KAZN: variants seen among roughly 807,000 people sequenced by gnomAD.
KAZN encodes kazrin, periplakin interacting protein, also known as kazrin.
Under a neutral mutation model 87.4 loss-of-function variants are expected in KAZN, and 40 were observed. The ratio of observed to expected loss-of-function variants is 0.46; its 90% confidence interval spans 0.36 to 0.60. The LOEUF is 0.60. Among genes scored for constraint, KAZN ranks in the 20% least tolerant of loss-of-function variants. The probability of loss-of-function intolerance (pLI) is 0.00; values close to 1 mark genes in which losing one functional copy is unlikely to be tolerated. For missense variants in KAZN, 898 were observed against 1,073.9 expected, an observed-to-expected ratio of 0.84 and a Z score of 2.29; for synonymous variants, 466 against 458.3, an observed-to-expected ratio of 1.02 and a Z score of -0.22.
At chr1:15,033,853 C>T (rs1043404082) in intron 2 of KAZN, among the ~76,000 whole-genome samples, 1 of 152,202 alleles carries the variant, frequency 6.6e-6, no homozygotes, top group African/African-American at 2.4e-5. Flanking sequence ...GTTCTCCTGC[C>T]TCAGCCTCCC....
At chr1:13,929,097 C>G (rs72871379) in intron 1 of KAZN, among the ~76,000 whole-genome samples, 4,296 of 136,380 alleles carry the variant, frequency 0.032, 204 homozygotes, top group African/African-American at 0.11. Context: ...CTCTGTCACC[C>G]AAGCTGGATT....
At chr1:14,958,993 TC>T (rs1382301116) in intron 1 of KAZN, among the ~76,000 whole-genome samples, 2 of 152,202 alleles carry the variant, frequency 1.3e-5, no homozygotes, top group Non-Finnish European at 2.9e-5. Flanking sequence ...CAAAACAGAC[TC>T]AAGTTCCCGC....
intron 1 of KAZN, among the ~76,000 whole-genome samples, chr1:14,853,207 A>T (rs1380497228): frequency 6.6e-6 from 1 of 152,056 alleles, no homozygotes; most frequent in Non-Finnish European, 1.5e-5. Context: ...GGTTGCAGGG[A>T]TGGTTAGAGG....
At chr1:14,650,763 C>CTA (rs1408529629) in intron 1 of KAZN, among the ~76,000 whole-genome samples, 1 of 152,172 alleles carries the variant, frequency 6.6e-6, no homozygotes, top group Non-Finnish European at 1.5e-5. Flanking sequence ...GCACATGTTT[C>CTA]TATTGCATTT....
intron 1 of KAZN, among the ~76,000 whole-genome samples, chr1:14,883,684 A>G (rs970459614): frequency 6.6e-6 from 1 of 152,126 alleles, no homozygotes; most frequent in African/African-American, 2.4e-5. Flanking sequence ...CTCCCTCCCT[A>G]TCAAAGCCAG....
At chr1:14,055,084 T>C (rs535203234) in intron 1 of KAZN, among the ~76,000 whole-genome samples, 1 of 152,270 alleles carries the variant, frequency 6.6e-6, no homozygotes, top group South Asian at 2.1e-4. Context: ...AAAATGCCCA[T>C]GGAAGGGTGA....
intron 1 of KAZN, among the ~76,000 whole-genome samples, chr1:14,636,072 C>A (rs942992096): frequency 6.6e-6 from 1 of 152,206 alleles, no homozygotes; most frequent in Non-Finnish European, 1.5e-5. Flanking sequence ...ACAATTCCAA[C>A]TGAAAGCGGG....
At chr1:14,257,090 A>G (rs1650576768) in intron 2 of KAZN, among the ~76,000 whole-genome samples, 1 of 152,116 alleles carries the variant, frequency 6.6e-6, no homozygotes, top group South Asian at 2.1e-4. Flanking sequence ...CTTCTGCTAT[A>G]ATTTATCCTT....
chr1:14,926,631 G>C (rs1174002109), intron 1 of KAZN, among the ~76,000 whole-genome samples: 3 of 152,320 alleles, frequency 2.0e-5, no homozygotes, highest in Non-Finnish European at 2.9e-5. Flanking sequence ...TGATGGCTAG[G>C]CATTGAGGAC....
At chr1:14,743,567 C>A (rs967220085) in intron 1 of KAZN, among the ~76,000 whole-genome samples, 5 of 152,052 alleles carry the variant, frequency 3.3e-5, no homozygotes, top group Non-Finnish European at 7.4e-5. Flanking sequence ...CAAAATGAAC[C>A]CTTCATTGGT....
rs142739375 is a variant in KAZN, at chr1:14,606,138, C to T, written c.226+6915C>T. The stretch of plus-strand genomic sequence containing the variant: ...TGTGTTCTTATTCATTCCACTTTGA[C>T]ATCCAGGATCACTCAACTGCCACAT... On this transcript the variant is annotated intron_variant, in intron 1 of 14. Transcript: ENST00000376030. Among the ~76,000 whole-genome samples the T allele has an allele frequency of 4.6e-3, 705 of 152,334 alleles. 8 individuals carry two copies. Among genetic ancestry groups the T allele is most frequent in the African/African-American group, 0.015 (642 of 41,584 alleles).
intron 1 of KAZN, among the ~76,000 whole-genome samples, chr1:14,723,468 C>G (rs1643222880): frequency 6.6e-6 from 1 of 152,204 alleles, no homozygotes; most frequent in African/African-American, 2.4e-5. Flanking sequence ...GGCCTGTGGC[C>G]TCATCGAGAC....
chr1:14,039,463 C>A (rs749975871), intron 1 of KAZN, among the ~76,000 whole-genome samples: 1 of 152,146 alleles, frequency 6.6e-6, no homozygotes, highest in African/African-American at 2.4e-5. Flanking sequence ...AGTTCTGAGA[C>A]GACCCTAACA....
chr1:14,054,857 A>G (rs1381259600), intron 1 of KAZN, among the ~76,000 whole-genome samples: 1 of 152,194 alleles, frequency 6.6e-6, no homozygotes, highest in Non-Finnish European at 1.5e-5. Context: ...AGTGTAGGAG[A>G]CAAATTATTT....
chr1:13,957,432 G>A (rs1321357340), intron 1 of KAZN, among the ~76,000 whole-genome samples: 1 of 152,160 alleles, frequency 6.6e-6, no homozygotes, highest in Non-Finnish European at 1.5e-5. Flanking sequence ...AATCAGACAT[G>A]GAGTGACTTG....
At chr1:14,296,221 C>G (rs1328666634) in intron 2 of KAZN, among the ~76,000 whole-genome samples, 1 of 152,198 alleles carries the variant, frequency 6.6e-6, no homozygotes, top group African/African-American at 2.4e-5. Context: ...ACTACCATCA[C>G]TGCATGTGGG....
chr1:14,865,064 A>G (rs946531893), intron 1 of KAZN, among the ~76,000 whole-genome samples: 1 of 152,190 alleles, frequency 6.6e-6, no homozygotes, highest in African/African-American at 2.4e-5. Flanking sequence ...TCCCCGTCCA[A>G]AATGGATTGG....
At chr1:14,488,593 C>G (rs1377793066) in intron 2 of KAZN, among the ~76,000 whole-genome samples, 1 of 152,222 alleles carries the variant, frequency 6.6e-6, no homozygotes, top group Admixed American at 6.5e-5. Flanking sequence ...ACAATTAAAG[C>G]ATTTAGCAGA....
intron 1 of KAZN, among the ~76,000 whole-genome samples, chr1:14,729,461 G>A (rs1391755213): frequency 1.3e-5 from 2 of 152,190 alleles, no homozygotes; most frequent in African/African-American, 4.8e-5. Context: ...ACCCTAATGG[G>A]TTTTGTGAGA....
Sources: gnomAD v4.1 joint callset for allele counts (sites outside exome capture counted in the v4.1 genomes callset) on GRCh38, gnomAD v4.1.1 for gene constraint, MANE v1.5 for transcripts, NCBI Gene and HGNC (gene_info 2026-07-23, HGNC 2026-07-21) for gene names.